CPZ: variants seen among roughly 807,000 people sequenced by gnomAD.
CPZ encodes VEZT/CPZ fusion.
A neutral mutation model predicts 61.8 loss-of-function variants in CPZ; 103 were observed. The observed-to-expected ratio is 1.67, with a 90% confidence interval of 1.42 to 1.96. CPZ has a LOEUF of 1.96. Among genes scored for constraint, CPZ ranks in the 30% most tolerant of loss-of-function variants. The probability of loss-of-function intolerance (pLI) is 0.00; values close to 1 mark genes in which losing one functional copy is unlikely to be tolerated. For synonymous variants in CPZ, 551 were observed against 373.7 expected, an observed-to-expected ratio of 1.47 and a Z score of -5.47; for missense variants, 1,461 against 914.9, an observed-to-expected ratio of 1.60 and a Z score of -7.70.
chr4:8,613,900 G>C (rs529990367), intron 8 of CPZ, among the ~76,000 whole-genome samples: 1 of 152,254 alleles, frequency 6.6e-6, no homozygotes, highest in Non-Finnish European at 1.5e-5. Flanking sequence ...GGGGTCTCCA[G>C]GCCAGCAGCT....
chr4:8,615,477 A>T (rs1716086044), intron 9 of CPZ, among the ~76,000 whole-genome samples: 1 of 152,228 alleles, frequency 6.6e-6, no homozygotes, highest in Non-Finnish European at 1.5e-5. Flanking sequence ...GCCCAGTGAG[A>T]AGCAGGCCTC....
intron 2 of CPZ, among the ~76,000 whole-genome samples, chr4:8,600,279 A>G (rs111591094): frequency 0.019 from 2,917 of 152,254 alleles, 94 homozygotes; most frequent in African/African-American, 0.065. Flanking sequence ...GCCTGGCTGT[A>G]AAATGTGGTG....
chr4:8,594,277 C>G (rs150864623), intron 1 of CPZ, among the ~76,000 whole-genome samples: 1 of 152,184 alleles, frequency 6.6e-6, no homozygotes. Flanking sequence ...TGGGCAGAGC[C>G]GGTCACCTGC....
rs1716518057 is a variant in CPZ, at chr4:8,619,619, C to T, written c.*2C>T. The T allele has an allele frequency of 1.3e-6, 2 of 1,487,652 alleles. No individual in the cohort carries two copies. The highest frequency in any genetic ancestry group is 1.4e-5 in the South Asian group (1 of 70,508). 92.2% of individuals were successfully genotyped at this position (1,487,652 alleles called of 1,614,324 possible). A position where few individuals can be genotyped will look rare whatever the true frequency, so the allele number is the denominator to read the frequency against. ...CCACGCTGGCTGCTCAAGTACTAGC[C>T]CCGGCCCCAGCACCCGCCAGGATGT... On this transcript the variant is annotated 3_prime_UTR_variant, in exon 11 of 11. Transcript: ENST00000360986.
chr4:8,593,837 C>T (rs1713976225), intron 1 of CPZ, among the ~76,000 whole-genome samples: 2 of 152,194 alleles, frequency 1.3e-5, no homozygotes, highest in African/African-American at 4.8e-5. Flanking sequence ...GGATTTTCCT[C>T]CCACCTCTGC....
At position 8,592,782 on chromosome 4, in the gene CPZ, C is replaced by T. The variant is rs987041078; in HGVS notation, c.-52C>T. The T allele has an allele frequency of 3.9e-6, 5 of 1,278,762 alleles. No homozygotes were observed. The South Asian group carries it at 5.5e-5, about 14-fold the overall frequency. 79.2% of individuals were successfully genotyped at this position (1,278,762 alleles called of 1,614,324 possible). On this transcript the variant is annotated 5_prime_UTR_variant, in exon 1 of 11. Coordinates refer to ENST00000360986, the MANE Select transcript of CPZ (RefSeq NM_001014447.3). The stretch of plus-strand genomic sequence containing the variant: ...GCGAGCGCAGAGCCCCGGCCCCGCG[C>T]GGCCCGAGTGCCACATCACTGCGCT...
chr4:8,594,617 C>T (rs559269548), intron 1 of CPZ, among the ~76,000 whole-genome samples: 2 of 152,304 alleles, frequency 1.3e-5, no homozygotes, highest in South Asian at 2.1e-4. Context: ...AATGCTGCCA[C>T]CTCGTGGTTA....
intron 8 of CPZ, 55 bp downstream of exon 8, chr4:8,612,217 T>TGGGGGGGGGGGGGGGGGGGGGGGTGGGGG: frequency 1.5e-5 from 1 of 68,040 alleles, no homozygotes; most frequent in East Asian, 3.2e-4. Flanking sequence ...AGGGGCTGGG[T>TGGGGGGGGGGGGGGGGGGGGGGGTGGGGG]GGGGCAGGGG....
In CPZ at chr4:8,619,338, A is replaced by G. The variant is rs2109352718; in HGVS notation, c.1680A>G (p.Lys560=). ...TTGCCCAAGCCCCTGGCTACGCCAA[A>G]GTCATCAAGAAAGTCATCATCCCCG... ...IVIAQAPGYA[K]VIKKVIIPAR... The change falls in exon 11 of 11, where the codon AAA becomes AAG. Residue 560 remains lysine, a synonymous_variant. Coordinates refer to ENST00000360986, the MANE Select transcript of CPZ (RefSeq NM_001014447.3). The G allele has an allele frequency of 1.2e-6, 2 of 1,614,152 alleles. No homozygotes were observed. Among genetic ancestry groups the G allele is most frequent in the Non-Finnish European group, 1.7e-6 (2 of 1,180,012 alleles).
intron 8 of CPZ, among the ~76,000 whole-genome samples, chr4:8,612,435 A>C (rs905149341): frequency 6.6e-6 from 1 of 152,206 alleles, no homozygotes; most frequent in Admixed American, 6.5e-5. Flanking sequence ...ACCCATGACC[A>C]ATACCTTTGT....
intron 7 of CPZ, chr4:8,611,263 G>A (rs550679196): frequency 5.9e-5 from 27 of 456,276 alleles, no homozygotes; most frequent in Non-Finnish European, 1.1e-4. Flanking sequence ...AGGAGCCTCT[G>A]CCCAAGGTCA....
At chr4:8,616,673 T>G (rs181973165) in intron 9 of CPZ, among the ~76,000 whole-genome samples, 9 of 151,538 alleles carry the variant, frequency 5.9e-5, no homozygotes, top group African/African-American at 2.2e-4. Context: ...TGTCTGGGGG[T>G]GAGGAGGAGC....
At chr4:8,609,356 TTCACTCACAAACTCATTCAC>T (rs1186678348) in intron 7 of CPZ, among the ~76,000 whole-genome samples, 1 of 149,568 alleles carries the variant, frequency 6.7e-6, no homozygotes, top group African/African-American at 2.4e-5. Context: ...CTCTCATTCA[TTCACTCACAAACTCATTCAC>T]TCACTCTTAT....
At chr4:8,608,561 G>T (rs1346482130) in intron 7 of CPZ, among the ~76,000 whole-genome samples, 2 of 151,820 alleles carry the variant, frequency 1.3e-5, no homozygotes, top group African/African-American at 4.8e-5. Flanking sequence ...TGCGCTGGGG[G>T]TCCTCAGTCT....
intron 9 of CPZ, among the ~76,000 whole-genome samples, chr4:8,616,012 G>A (rs942891720): frequency 2.0e-5 from 3 of 152,152 alleles, no homozygotes; most frequent in Admixed American, 6.5e-5. Context: ...TGCATTTTGC[G>A]GCTGTCTGAT....
chr4:8,592,982 T>C (rs1713906594), intron 1 of CPZ, 61 bp downstream of exon 1: 5 of 1,317,200 alleles, frequency 3.8e-6, no homozygotes, highest in Non-Finnish European at 5.2e-6. Context: ...GGGAGTGTGA[T>C]CCGTCGCTTC....
chr4:8,607,011 TC>T, intron 6 of CPZ, 113 bp downstream of exon 6: 1 of 1,271,992 alleles, frequency 7.9e-7, no homozygotes, highest in South Asian at 1.5e-5. Context: ...TGGTGCTCCC[TC>T]CCTGCCTCAG....
chr4:8,606,661 C>A, intron 5 of CPZ, 76 bp from the exon 6 acceptor site: 1 of 1,579,864 alleles, frequency 6.3e-7, no homozygotes, highest in Non-Finnish European at 8.7e-7. Flanking sequence ...ACCCTCAGCC[C>A]AGCGTGAGAC....
chr4:8,614,827 G>A (rs940396609), intron 9 of CPZ, among the ~76,000 whole-genome samples: 2 of 151,976 alleles, frequency 1.3e-5, no homozygotes, highest in African/African-American at 2.4e-5. Context: ...CTCAGAGGCT[G>A]GGGGGGCTTC....
Sources: gnomAD v4.1 joint callset for allele counts (sites outside exome capture counted in the v4.1 genomes callset) on GRCh38, gnomAD v4.1.1 for gene constraint, MANE v1.5 for transcripts, NCBI Gene and HGNC (gene_info 2026-07-23, HGNC 2026-07-21) for gene names.